Variants in RAI14 observed in about 807,000 individuals in gnomAD.
RAI14 encodes the protein ankycorbin.
In RAI14, 45 loss-of-function variants were observed where a neutral mutation model predicts 115.4. The observed-to-expected ratio is 0.39, with a 90% CI of 0.31 to 0.50. The LOEUF is 0.50. Ranked by LOEUF, RAI14 falls within the 20% of genes least tolerant of loss-of-function variation. The pLI, the probability that RAI14 is intolerant of heterozygous loss-of-function variation, is 0.85. For missense variants in RAI14, 939 were observed against 1,131.2 expected (o/e 0.83, Z 2.44); for synonymous variants, 371 against 415.4 (o/e 0.89, Z 1.30).
chr5:34,774,437 A>AT lies in RAI14; in HGVS notation c.167+16840dup, dbSNP rs578113420. On this transcript the variant is annotated intron_variant, in intron 3 of 17. Coordinates refer to ENST00000265109, the MANE Select transcript of RAI14 (RefSeq NM_015577.3). Reference sequence around the variant, plus strand: ...CAAAGTTGCAGGATACAAAATCAACATAAAAAATCAGTAGCATTTCTATAT... The same window carrying AT: ...CAAAGTTGCAGGATACAAAATCAACATTAAAAAATCAGTAGCATTTCTATAT... Among the ~76,000 whole-genome samples the AT allele has an allele frequency of 5.9e-5, 9 of 152,288 alleles. No homozygotes were observed. In the South Asian group the frequency reaches 1.9e-3, roughly 32 times the overall value.
chr5:34,702,695 A>G (rs185377807), intron 2 of RAI14, among the ~76,000 whole-genome samples: 1 of 152,276 alleles, frequency 6.6e-6, no homozygotes, highest in Non-Finnish European at 1.5e-5. Flanking sequence ...AAGGAAAGCT[A>G]TGGCAAGTAA....
chr5:34,804,161 C>A (rs993525597), intron 5 of RAI14, among the ~76,000 whole-genome samples: 2 of 152,190 alleles, frequency 1.3e-5, no homozygotes, highest in African/African-American at 4.8e-5. Context: ...ATTGTGAAAT[C>A]ATCAGTAGAA....
Position 34,715,240 on chromosome 5 carries a change from T to TTCCTGAA in RAI14, c.36+28285_36+28286insTCCTGAA. Among the ~76,000 whole-genome samples, 7 of 152,254 alleles carry TTCCTGAA rather than the reference T, an allele frequency of 4.6e-5. 1 individual carries two copies. The highest frequency in any genetic ancestry group is 4.6e-4 in the Admixed American group (7 of 15,298). On this transcript the variant is annotated intron_variant, in intron 2 of 17. Transcript: ENST00000265109. ...GTGGAGATTTCTTGGAACTGTGGTG[T>TTCCTGAA]CACCGTTTTTATACCAAATGTGGGT...
At chr5:34,704,610 G>A (rs766725065) in intron 2 of RAI14, among the ~76,000 whole-genome samples, 5 of 152,154 alleles carry the variant, frequency 3.3e-5, no homozygotes, top group Admixed American at 1.3e-4. Flanking sequence ...AAATGCAAAA[G>A]ATATTATTCA....
intron 3 of RAI14, among the ~76,000 whole-genome samples, chr5:34,793,595 C>T (rs567867925): frequency 6.6e-6 from 1 of 152,144 alleles, no homozygotes; most frequent in African/African-American, 2.4e-5. Flanking sequence ...ATATGTGTAG[C>T]TTTCTTTACA....
intron 2 of RAI14, among the ~76,000 whole-genome samples, chr5:34,752,737 GTGTGTGTGTGTGTATATATA>G (rs1273318555): frequency 4.9e-5 from 5 of 101,438 alleles, no homozygotes; most frequent in Non-Finnish European, 4.1e-5. Context: ...GTGTGTGTGT[GTGTGTGTGTGTGTATATATA>G]TATATATATG....
chr5:34,779,514 C>A (rs1751337718), intron 3 of RAI14, among the ~76,000 whole-genome samples: 1 of 152,198 alleles, frequency 6.6e-6, no homozygotes, highest in Non-Finnish European at 1.5e-5. Context: ...TGATAAGCAA[C>A]TTCAGCAAAG....
intron 4 of RAI14, among the ~76,000 whole-genome samples, chr5:34,803,228 A>C (rs964989286): frequency 6.6e-6 from 1 of 152,156 alleles, no homozygotes; most frequent in African/African-American, 2.4e-5. Context: ...GGCATGGGGG[A>C]TGCTCGATTC....
chr5:34,696,279 A>T (rs1739224480), intron 2 of RAI14, among the ~76,000 whole-genome samples: 1 of 152,054 alleles, frequency 6.6e-6, no homozygotes, highest in Non-Finnish European at 1.5e-5. Flanking sequence ...CTGGGACTAC[A>T]GGTGCCTGCC....
At chr5:34,787,334 T>G (rs1752419181) in intron 3 of RAI14, among the ~76,000 whole-genome samples, 1 of 152,182 alleles carries the variant, frequency 6.6e-6, no homozygotes, top group Non-Finnish European at 1.5e-5. Context: ...TAATCCCCAG[T>G]AAAAACAACT....
chr5:34,717,477 C>T (rs1742137588), intron 2 of RAI14, among the ~76,000 whole-genome samples: 1 of 152,196 alleles, frequency 6.6e-6, no homozygotes, highest in Non-Finnish European at 1.5e-5. Flanking sequence ...AATTCCCCTC[C>T]TTTAACTTGC....
chr5:34,723,187 G>A (rs1262619492), intron 2 of RAI14, among the ~76,000 whole-genome samples: 1 of 150,974 alleles, frequency 6.6e-6, no homozygotes, highest in East Asian at 1.9e-4. Flanking sequence ...GTTCTCCAGA[G>A]AAACACAACC....
At position 34,827,057 on chromosome 5, in the gene RAI14, G is replaced by C. The variant is rs944956469; in HGVS notation, c.2799+578G>C. Among the ~76,000 whole-genome samples the C allele has an allele frequency of 1.3e-5, 2 of 152,148 alleles. No individual in the cohort carries two copies. The highest frequency in any genetic ancestry group is 2.4e-5 in the African/African-American group (1 of 41,428). ...CTGGACTAACTTCAAGTTGTTGGCA[G>C]GGCTGGTTCCTCCTCGAGACCATAG... is the stretch of plus-strand genomic sequence containing the variant. On this transcript the variant is annotated intron_variant, in intron 16 of 17. Coordinates refer to ENST00000265109, the MANE Select transcript of RAI14 (RefSeq NM_015577.3). The surrounding 1 kb of genome is among the most constrained non-coding windows in gnomAD (Gnocchi z 4.2).
intron 1 of RAI14, among the ~76,000 whole-genome samples, chr5:34,679,378 A>C (rs1233539626): frequency 6.6e-6 from 1 of 152,224 alleles, no homozygotes; most frequent in Non-Finnish European, 1.5e-5. Context: ...AGTGTTGACT[A>C]TGAAGAGAGC....
chr5:34,770,453 G>A (rs923641627), intron 3 of RAI14, among the ~76,000 whole-genome samples: 1 of 152,166 alleles, frequency 6.6e-6, no homozygotes, highest in Non-Finnish European at 1.5e-5. Context: ...TGCCTTCATG[G>A]TACACACAGT....
chr5:34,664,414 CAA>C (rs11311801), intron 1 of RAI14, among the ~76,000 whole-genome samples: 65 of 108,342 alleles, frequency 6.0e-4, no homozygotes, highest in East Asian at 9.4e-4. Flanking sequence ...GACACTGTCT[CAA>C]AAAAAAAAAA....
At chr5:34,721,202 T>C (rs1742675907) in intron 2 of RAI14, among the ~76,000 whole-genome samples, 1 of 151,638 alleles carries the variant, frequency 6.6e-6, no homozygotes, top group Admixed American at 6.6e-5. Context: ...CCATAGATAT[T>C]GCTTCTGGTA....
intron 14 of RAI14, among the ~76,000 whole-genome samples, chr5:34,822,246 G>GTATATATATA (rs1554012453): frequency 4.0e-5 from 3 of 75,728 alleles, no homozygotes; most frequent in African/African-American, 1.6e-4. Flanking sequence ...ATGTATGTGT[G>GTATATATATA]TATGTATATA....
chr5:34,721,858 G>A (rs1227435156), intron 2 of RAI14, among the ~76,000 whole-genome samples: 1 of 151,968 alleles, frequency 6.6e-6, no homozygotes, highest in Non-Finnish European at 1.5e-5. Context: ...TTACAGGTGC[G>A]TGCCACCACG....
Sources: allele counts gnomAD v4.1 joint callset (sites outside exome capture counted in the v4.1 genomes callset), GRCh38; gene constraint gnomAD v4.1.1; non-coding constraint Gnocchi (gnomAD v3.1); transcripts MANE v1.5; gene names NCBI Gene and HGNC (gene_info 2026-07-23, HGNC 2026-07-21).